Variants in DOCK3 observed in about 807,000 individuals in gnomAD.
DOCK3 encodes dedicator of cytokinesis protein 3.
In DOCK3, 60 loss-of-function variants were observed where a neutral mutation model predicts 265.6. The ratio of observed to expected loss-of-function variants is 0.23; its 90% CI spans 0.18 to 0.28. The LOEUF is 0.28. Ranked by LOEUF, DOCK3 falls within the 10% of genes least tolerant of loss-of-function variation. DOCK3 has a pLI of 1.00. For missense variants in DOCK3, 1,981 were observed against 2,594.3 expected (o/e 0.76, Z 5.14); for synonymous variants, 881 against 938.0 (o/e 0.94, Z 1.11).
intron 12 of DOCK3, among the ~76,000 whole-genome samples, chr3:51,208,366 G>A (rs1407444390): frequency 6.6e-6 from 1 of 152,210 alleles, no homozygotes; most frequent in African/African-American, 2.4e-5. Context: ...TTGTATGACA[G>A]TAAAAAACCA....
intron 12 of DOCK3, among the ~76,000 whole-genome samples, chr3:51,189,333 T>C (rs188730917): frequency 1.2e-4 from 18 of 152,202 alleles, no homozygotes; most frequent in African/African-American, 3.9e-4. Flanking sequence ...TGTATAGTGG[T>C]GAAGTCAGAT....
At chr3:51,170,434 G>A (rs2086617846) in intron 12 of DOCK3, among the ~76,000 whole-genome samples, 1 of 151,718 alleles carries the variant, frequency 6.6e-6, no homozygotes, top group Admixed American at 6.6e-5. Flanking sequence ...TCTTATTATT[G>A]ATTTTTTTTT....
chr3:51,338,321 A>G, intron 35 of DOCK3, 38 bp from the exon 36 acceptor site: 1 of 1,550,952 alleles, frequency 6.4e-7, no homozygotes, highest in Non-Finnish European at 8.7e-7. Flanking sequence ...TCAAGGCCCC[A>G]CTTCATATCT....
chr3:50,901,067 G>C, intron 4 of DOCK3: 1 of 290,768 alleles, frequency 3.4e-6, no homozygotes, highest in Non-Finnish European at 6.8e-6. Flanking sequence ...TGCTGATGCA[G>C]TGCCTGCTGC....
chr3:51,338,758 T>G (rs1038335300), intron 36 of DOCK3, among the ~76,000 whole-genome samples, 177 bp from the exon 37 acceptor site: 1 of 152,206 alleles, frequency 6.6e-6, no homozygotes, highest in Non-Finnish European at 1.5e-5. Flanking sequence ...GACCTGCCAG[T>G]GGTTCCACCC....
At chr3:51,269,347 C>T (rs1214894489) in intron 23 of DOCK3, among the ~76,000 whole-genome samples, 6 of 151,938 alleles carry the variant, frequency 3.9e-5, no homozygotes, top group Non-Finnish European at 7.4e-5. Flanking sequence ...AAATGAGTTA[C>T]TGTTTGTTAT....
chr3:51,178,097 C>A (rs1189649888), intron 12 of DOCK3, among the ~76,000 whole-genome samples: 1 of 147,356 alleles, frequency 6.8e-6, no homozygotes, highest in Non-Finnish European at 1.5e-5. Context: ...AAGAGATTCA[C>A]AAAGACTAAA....
At chr3:51,223,960 G>A (rs924043251) in intron 14 of DOCK3, among the ~76,000 whole-genome samples, 7 of 152,150 alleles carry the variant, frequency 4.6e-5, no homozygotes, top group Non-Finnish European at 1.0e-4. Context: ...AAGCAGCAAT[G>A]TCCAAAGGAA....
chr3:50,705,367 G>A (rs1024212127), intron 1 of DOCK3, among the ~76,000 whole-genome samples: 1 of 152,024 alleles, frequency 6.6e-6, no homozygotes, highest in African/African-American at 2.4e-5. Flanking sequence ...CCCCTGTGCT[G>A]TTCCCTTGAT....
chr3:50,866,212 C>A (rs944330417), intron 3 of DOCK3, among the ~76,000 whole-genome samples: 3 of 151,990 alleles, frequency 2.0e-5, no homozygotes, highest in Admixed American at 6.6e-5. Flanking sequence ...CAGGGTCAGG[C>A]GCAGTGGCTC....
intron 5 of DOCK3, among the ~76,000 whole-genome samples, chr3:50,951,085 C>T (rs1371522911): frequency 6.6e-6 from 1 of 152,080 alleles, no homozygotes; most frequent in South Asian, 2.1e-4. Flanking sequence ...AGAAGTAGCC[C>T]TCATTTATTG....
intron 3 of DOCK3, among the ~76,000 whole-genome samples, chr3:50,843,141 A>G (rs748357443): frequency 2.6e-5 from 4 of 152,224 alleles, no homozygotes; most frequent in Non-Finnish European, 5.9e-5. Context: ...TTCCTACACA[A>G]TGAAGTACTC....
At chr3:51,160,514 TG>T (rs1560143134) in intron 11 of DOCK3, 40 bp from the exon 12 acceptor site, 1 of 1,570,908 alleles carries the variant, frequency 6.4e-7, no homozygotes, top group Non-Finnish European at 8.6e-7. Flanking sequence ...GAGAGGAGCA[TG>T]CTTTTCTCAG....
intron 1 of DOCK3, among the ~76,000 whole-genome samples, chr3:50,768,778 G>C (rs2041078783): frequency 6.6e-6 from 1 of 152,170 alleles, no homozygotes; most frequent in Non-Finnish European, 1.5e-5. Context: ...GCAGTAGTGG[G>C]ATTGTAGAAT....
At chr3:50,770,526 T>G (rs1270755874) in intron 1 of DOCK3, among the ~76,000 whole-genome samples, 1 of 151,268 alleles carries the variant, frequency 6.6e-6, no homozygotes, top group African/African-American at 2.4e-5. Context: ...CCCAAAGAAA[T>G]CTACAGATTC....
chr3:51,308,099 G>T (rs1042602018), intron 27 of DOCK3, among the ~76,000 whole-genome samples: 1 of 151,800 alleles, frequency 6.6e-6, no homozygotes, highest in East Asian at 1.9e-4. Context: ...CTAGGCTCTG[G>T]TTTTCATGAC....
intron 2 of DOCK3, among the ~76,000 whole-genome samples, chr3:50,801,673 T>C (rs918925104): frequency 3.9e-5 from 6 of 152,208 alleles, no homozygotes; most frequent in African/African-American, 1.4e-4. Context: ...GTGTATTCTA[T>C]AGCTGTTGGG....
intron 1 of DOCK3, among the ~76,000 whole-genome samples, chr3:50,676,417 G>T (rs190784930): frequency 1.6e-4 from 25 of 152,298 alleles, no homozygotes; most frequent in Admixed American, 1.3e-4. Flanking sequence ...AAACAATTAG[G>T]TATGTTAGGA....
intron 2 of DOCK3, among the ~76,000 whole-genome samples, chr3:50,833,620 C>T (rs2045326035): frequency 6.6e-6 from 1 of 152,140 alleles, no homozygotes; most frequent in Non-Finnish European, 1.5e-5. Flanking sequence ...AATTGACATT[C>T]TTTACCTACC....
Sources: allele counts gnomAD v4.1 joint callset (sites outside exome capture counted in the v4.1 genomes callset), GRCh38; gene constraint gnomAD v4.1.1; transcripts MANE v1.5; gene names NCBI Gene and HGNC (gene_info 2026-07-23, HGNC 2026-07-21).